TNRC6C: variants seen among roughly 807,000 people sequenced by gnomAD.
TNRC6C encodes trinucleotide repeat-containing gene 6C protein.
TNRC6C carries 20 observed loss-of-function variants against 153.7 expected under a neutral mutation model. That is an observed-to-expected ratio of 0.13 (90% CI 0.09 to 0.19). TNRC6C has a LOEUF of 0.19. Ranked by LOEUF, TNRC6C falls within the 10% of genes least tolerant of loss-of-function variation. The pLI, the probability that TNRC6C is intolerant of heterozygous loss-of-function variation, is 1.00. For synonymous variants in TNRC6C, 811 were observed against 841.4 expected (o/e 0.96, Z 0.63); for missense variants, 1,987 against 2,172.0 (o/e 0.91, Z 1.69).
chr17:78,050,939 C>T (rs2072517632), exon 3 of TNRC6C: 3 of 1,613,850 alleles, frequency 1.9e-6, no homozygotes, highest in Non-Finnish European at 2.5e-6. Flanking sequence ...AGTAATAGGT[C>T]AGGGTCTGGT....
intron 9 of TNRC6C, among the ~76,000 whole-genome samples, chr17:78,077,943 C>T (rs2073113277): frequency 6.6e-6 from 1 of 152,058 alleles, no homozygotes; most frequent in South Asian, 2.1e-4. Flanking sequence ...AATGTTGTAC[C>T]AAAAAACATA....
chr17:77,991,194 G>C (rs1288060344), intron 1 of TNRC6C, among the ~76,000 whole-genome samples: 1 of 152,142 alleles, frequency 6.6e-6, no homozygotes, highest in Non-Finnish European at 1.5e-5. Flanking sequence ...AGAAATTCTG[G>C]CTGAAATCAT....
chr17:78,065,844 T>C (rs1483045199), intron 4 of TNRC6C, among the ~76,000 whole-genome samples: 1 of 152,232 alleles, frequency 6.6e-6, no homozygotes, highest in African/African-American at 2.4e-5. Flanking sequence ...GTCCAGATTA[T>C]GTATACCAAG....
intron 3 of TNRC6C, among the ~76,000 whole-genome samples, chr17:78,053,938 A>T (rs1009094111): frequency 6.6e-6 from 1 of 152,194 alleles, no homozygotes; most frequent in Non-Finnish European, 1.5e-5. Context: ...ATGGTGATAC[A>T]TTCTAAGAAA....
intron 14 of TNRC6C, 125 bp from the exon 17 acceptor site, chr17:78,092,808 T>C (rs890268100): frequency 3.1e-5 from 21 of 667,168 alleles, no homozygotes; most frequent in African/African-American, 3.1e-4. Context: ...TTACAATTCA[T>C]GTAACTGAAT....
intron 2 of TNRC6C, among the ~76,000 whole-genome samples, chr17:78,033,260 A>G (rs971332720): frequency 3.3e-5 from 5 of 152,264 alleles, no homozygotes; most frequent in African/African-American, 7.2e-5. Flanking sequence ...ATAAGTAGAA[A>G]ATAAGCAATT....
At chr17:78,105,753 C>T (rs1214817504) in exon 20 of TNRC6C, 3 of 151,180 alleles carry the variant, frequency 2.0e-5, no homozygotes, top group African/African-American at 7.3e-5. Context: ...TCAGTATACG[C>T]TTTTTTTTTG....
chr17:77,964,558 G>T (rs1209496002), intron 1 of TNRC6C, among the ~76,000 whole-genome samples: 1 of 152,174 alleles, frequency 6.6e-6, no homozygotes, highest in Non-Finnish European at 1.5e-5. Flanking sequence ...GCCTGGCAAA[G>T]ATATTGTTTA....
At chr17:78,094,804 A>G (rs1204508796) in intron 16 of TNRC6C, among the ~76,000 whole-genome samples, 1 of 152,264 alleles carries the variant, frequency 6.6e-6, no homozygotes, top group African/African-American at 2.4e-5. Flanking sequence ...GAAAGCCAAC[A>G]TAAGTACAGA....
intron 12 of TNRC6C, 47 bp downstream of exon 14, chr17:78,086,633 TG>T: frequency 6.3e-7 from 1 of 1,576,578 alleles, no homozygotes; most frequent in South Asian, 1.1e-5. Flanking sequence ...TAATTTTCCC[TG>T]ATAGAAGAGA....
At chr17:77,961,133 C>T (rs2070858476) in intron 1 of TNRC6C, among the ~76,000 whole-genome samples, 2 of 150,984 alleles carry the variant, frequency 1.3e-5, no homozygotes, top group Middle Eastern at 3.2e-3. Context: ...AAACAAAGAC[C>T]TTGCTGACCT....
chr17:77,989,501 T>A (rs1287509141), intron 1 of TNRC6C, among the ~76,000 whole-genome samples: 1 of 152,206 alleles, frequency 6.6e-6, no homozygotes, highest in Non-Finnish European at 1.5e-5. Flanking sequence ...ATTTGGGAAA[T>A]CTCTTCACCT....
intron 2 of TNRC6C, among the ~76,000 whole-genome samples, chr17:78,033,408 G>T (rs550080319): frequency 6.6e-6 from 1 of 152,106 alleles, no homozygotes; most frequent in Admixed American, 6.5e-5. Context: ...AGTGGCTCAC[G>T]CCTGTAATCC....
At chr17:78,016,993 A>G (rs1363438422) in intron 1 of TNRC6C, among the ~76,000 whole-genome samples, 1 of 152,156 alleles carries the variant, frequency 6.6e-6, no homozygotes, top group African/African-American at 2.4e-5. Context: ...TTCAACCCCA[A>G]GGCCATACTT....
chr17:78,005,544 A>G (rs1239716321), intron 1 of TNRC6C, among the ~76,000 whole-genome samples: 1 of 152,212 alleles, frequency 6.6e-6, no homozygotes, highest in African/African-American at 2.4e-5. Flanking sequence ...TTTGCTGGTT[A>G]TCATAAAAGG....
At chr17:77,967,245 A>T (rs911520175) in intron 1 of TNRC6C, among the ~76,000 whole-genome samples, 2 of 152,160 alleles carry the variant, frequency 1.3e-5, no homozygotes, top group African/African-American at 4.8e-5. Flanking sequence ...TGCAAAAAAA[A>T]CTTCATTATC....
chr17:78,026,170 C>A (rs1822529892), intron 1 of TNRC6C, among the ~76,000 whole-genome samples: 1 of 152,122 alleles, frequency 6.6e-6, no homozygotes, highest in Non-Finnish European at 1.5e-5. Context: ...TTGAGAAAAA[C>A]AATCACTCCT....
chr17:77,963,240 G>T (rs1456470073), intron 1 of TNRC6C, among the ~76,000 whole-genome samples: 2 of 152,208 alleles, frequency 1.3e-5, no homozygotes, highest in Admixed American at 6.5e-5. Flanking sequence ...TGTGCAGAAA[G>T]TGTATATCTG....
intron 3 of TNRC6C, among the ~76,000 whole-genome samples, chr17:78,051,959 G>A (rs1048629153): frequency 6.6e-6 from 1 of 152,170 alleles, no homozygotes; most frequent in African/African-American, 2.4e-5. Flanking sequence ...AGCCAGAGGG[G>A]CAAGGTCCAG....
Sources: allele counts gnomAD v4.1 joint callset (sites outside exome capture counted in the v4.1 genomes callset), GRCh38; gene constraint gnomAD v4.1.1; transcripts MANE v1.5; gene names NCBI Gene and HGNC (gene_info 2026-07-23, HGNC 2026-07-21).